CCDC82: variants seen among roughly 807,000 people sequenced by gnomAD.
The protein encoded by CCDC82 is coiled-coil domain-containing protein 82.
In CCDC82, 47 loss-of-function variants were observed where a neutral mutation model predicts 60.6. That is an observed-to-expected ratio of 0.77 (90% confidence interval 0.61 to 0.99). The LOEUF (loss-of-function observed/expected upper bound fraction) is 0.99, where lower values mean the gene tolerates loss of function less well. Among genes scored for constraint, CCDC82 ranks in the 50% least tolerant of loss-of-function variants. The pLI is 0.00. For missense variants in CCDC82, 588 were observed against 633.0 expected, an observed-to-expected ratio of 0.93 and a Z score of 0.76; for synonymous variants, 212 against 207.4, an observed-to-expected ratio of 1.02 and a Z score of -0.19.
At position 96,370,679 on chromosome 11, in the gene CCDC82, T is replaced by C. The variant is rs183069090; in HGVS notation, c.1209+334A>G. Among the ~76,000 whole-genome samples, 429 of 152,290 alleles carry C rather than the reference T, an allele frequency of 2.8e-3. 2 individuals are homozygous for C. The highest frequency in any genetic ancestry group is 9.5e-3 in the African/African-American group (393 of 41,566). ...AAGTCTTCCAGTAAAGAAACCAGCTTACAACCCCTGATTCTCAAATTTCTT... is the reference window on the plus strand; with the variant it reads ...AAGTCTTCCAGTAAAGAAACCAGCTCACAACCCCTGATTCTCAAATTTCTT... On this transcript the variant is annotated intron_variant, in intron 7 of 9. Transcript: ENST00000646818.
chr11:96,358,405 C>T, intron 9 of CCDC82: 1 of 1,226,440 alleles, frequency 8.2e-7, no homozygotes, highest in Non-Finnish European at 1.0e-6. Flanking sequence ...CACTTTACTC[C>T]TGTTATCAAA....
At chr11:96,383,838 T>C (rs952761243) in intron 4 of CCDC82, 124 bp downstream of exon 4, 8 of 892,836 alleles carry the variant, frequency 9.0e-6, no homozygotes, top group South Asian at 1.9e-5. Context: ...TCAAGAATAC[T>C]TGATTAAAAA....
intron 3 of CCDC82, 38 bp from the exon 4 acceptor site, chr11:96,384,799 C>G: frequency 7.6e-7 from 1 of 1,323,300 alleles, no homozygotes; most frequent in Non-Finnish European, 1.0e-6. Flanking sequence ...ACAGTGATAA[C>G]CAGATTAGAG....
intron 6 of CCDC82, among the ~76,000 whole-genome samples, chr11:96,372,252 A>G (rs1473832430): frequency 1.3e-5 from 2 of 152,122 alleles, no homozygotes; most frequent in African/African-American, 4.8e-5. Flanking sequence ...AAGCTACCCC[A>G]AGAGGCCTTT....
rs529887408 is a variant in CCDC82, at chr11:96,367,926, T to G, written c.1210-2776A>C. The stretch of plus-strand genomic sequence containing the variant: ...ACCTCTGCCTCCCAGGTTCAAGCGA[T>G]TCTCCTGTTTCAGCCTCCCCAGTAG... On this transcript the variant is annotated intron_variant, in intron 7 of 9. Transcript: ENST00000646818. 2.0e-5 allele frequency among the ~76,000 whole-genome samples: 3 copies of G among 151,456 alleles called. No homozygotes were observed. In the South Asian group the frequency reaches 6.2e-4, roughly 32 times the overall value.
At chr11:96,359,678 T>C (rs1864537816) in intron 8 of CCDC82, among the ~76,000 whole-genome samples, 1 of 144,514 alleles carries the variant, frequency 6.9e-6, no homozygotes, top group African/African-American at 2.5e-5. Context: ...ATGAAAAGTA[T>C]GATAAGTCCA....
Position 96,365,158 on chromosome 11 carries a change from C to CA in CCDC82, c.1210-9dup, listed in dbSNP as rs772380048. 2 of 1,482,824 alleles carry CA rather than the reference C, an allele frequency of 1.3e-6. No individual in the cohort carries two copies. The highest frequency in any genetic ancestry group is 1.4e-5 in the South Asian group (1 of 73,724). The allele number at this position is 1,482,824 out of a possible 1,614,324, so 91.9% of individuals were successfully genotyped here. On this transcript the variant is annotated splice_polypyrimidine_tract_variant and intron_variant, in intron 7 of 9. Coordinates refer to ENST00000646818, the MANE Select transcript of CCDC82 (RefSeq NM_024725.4). ...ATAATTTTCTACTCGCTCCTGAAAACAAAAAATATAAAAAAAAGTTTAAAA... is the reference window on the plus strand; with the variant it reads ...ATAATTTTCTACTCGCTCCTGAAAACAAAAAAATATAAAAAAAAGTTTAAAA...
intron 8 of CCDC82, among the ~76,000 whole-genome samples, chr11:96,361,659 T>C (rs1864667644): frequency 1.3e-5 from 2 of 152,214 alleles, no homozygotes; most frequent in South Asian, 2.1e-4. Context: ...TTACAGCCCA[T>C]TGTATTTCTT....
intron 8 of CCDC82, chr11:96,363,820 G>T (rs1392419339): frequency 6.6e-6 from 1 of 152,058 alleles, no homozygotes; most frequent in East Asian, 1.9e-4. Flanking sequence ...TTACCAACTG[G>T]CATCTTAAGG....
chr11:96,377,714 A>G (rs1333285869), intron 5 of CCDC82, among the ~76,000 whole-genome samples: 1 of 152,030 alleles, frequency 6.6e-6, no homozygotes. Flanking sequence ...ATGACTTCTA[A>G]TATTAAGCCA....
At chr11:96,384,903 T>C (rs1046711459) in intron 3 of CCDC82, 142 bp from the exon 4 acceptor site, 3 of 542,326 alleles carry the variant, frequency 5.5e-6, no homozygotes, top group South Asian at 3.1e-5. Flanking sequence ...GTGAAGATGG[T>C]AGAACATTAA....
chr11:96,358,415 A>G, intron 9 of CCDC82: 1 of 1,227,754 alleles, frequency 8.1e-7, no homozygotes, highest in Non-Finnish European at 1.0e-6. Context: ...CTGTTATCAA[A>G]TTTAGTGATC....
At chr11:96,387,406 G>C (rs185968051) in intron 2 of CCDC82, 124 bp downstream of exon 2, 2 of 152,264 alleles carry the variant, frequency 1.3e-5, no homozygotes, top group East Asian at 3.9e-4. Flanking sequence ...AGCCATAAAA[G>C]AAACTTTAAG....
intron 7 of CCDC82, among the ~76,000 whole-genome samples, chr11:96,370,572 T>A (rs75580163): frequency 0.023 from 3,502 of 152,054 alleles, 128 homozygotes; most frequent in African/African-American, 0.08. Context: ...CTTCACAGAG[T>A]AAAACACAAA....
At chr11:96,366,020 A>G (rs1316412790) in intron 7 of CCDC82, among the ~76,000 whole-genome samples, 12 of 152,236 alleles carry the variant, frequency 7.9e-5, no homozygotes, top group Non-Finnish European at 4.4e-5. Flanking sequence ...TCAACTTTTC[A>G]TATTTCTCAT....
At chr11:96,378,728 C>T (rs1324278053) in intron 5 of CCDC82, among the ~76,000 whole-genome samples, 2 of 151,910 alleles carry the variant, frequency 1.3e-5, no homozygotes, top group Non-Finnish European at 2.9e-5. Context: ...TACCTGCATA[C>T]AATATTTTTA....
Position 96,353,477 on chromosome 11 carries a change from A to C in CCDC82, c.*169T>G. On this transcript the variant is annotated 3_prime_UTR_variant, in exon 10 of 10. Transcript: ENST00000646818. ...ATGTACATCAGATAAAAGTTTAATT[A>C]GAGTGTAGAGTGCCACTTCACAGGA... 1.8e-6 allele frequency: 1 copy of C among 571,074 alleles called. No individual in the cohort carries two copies. The allele number at this position is 571,074 out of a possible 1,614,324, so 35.4% of individuals were successfully genotyped here. A position where few individuals can be genotyped will look rare whatever the true frequency, so the allele number is the denominator to read the frequency against.
chr11:96,358,435 T>C lies in CCDC82; in HGVS notation c.1566+558A>G, dbSNP rs1864457761. The C allele has an allele frequency of 3.3e-6, 4 of 1,229,054 alleles. No homozygotes were observed. In the African/African-American group the frequency reaches 4.7e-5, roughly 14 times the overall value. The allele number at this position is 1,229,054 out of a possible 1,614,324, so 76.1% of individuals were successfully genotyped here. On this transcript the variant is annotated intron_variant, in intron 9 of 9. Coordinates refer to ENST00000646818, the MANE Select transcript of CCDC82 (RefSeq NM_024725.4). ...ATCAAATTTAGTGATCAATAGGATA[T>C]GGGGGAATCAAAATCAGTGCTGTGG...
At chr11:96,356,141 A>G (rs996015735) in intron 9 of CCDC82, 11 of 152,196 alleles carry the variant, frequency 7.2e-5, no homozygotes, top group Non-Finnish European at 1.0e-4. Flanking sequence ...TTGTCATTCA[A>G]TAAATCTGGG....
Sources: allele counts gnomAD v4.1 joint callset (sites outside exome capture counted in the v4.1 genomes callset), GRCh38; gene constraint gnomAD v4.1.1; transcripts MANE v1.5; gene names NCBI Gene and HGNC (gene_info 2026-07-23, HGNC 2026-07-21).